C12orf54: variants seen among roughly 807,000 people sequenced by gnomAD.
C12orf54 encodes the protein chromosome 12 open reading frame 54, also known as uncharacterized protein C12orf54.
In C12orf54, 24 loss-of-function variants were observed where a neutral mutation model predicts 26.4. The observed-to-expected ratio is 0.91, with a 90% confidence interval of 0.66 to 1.28. The LOEUF (loss-of-function observed/expected upper bound fraction) is 1.28. Among genes scored for constraint, C12orf54 ranks in the 50% most tolerant of loss-of-function variants. C12orf54 has a pLI of 0.00. For missense variants in C12orf54, 154 were observed against 150.9 expected (o/e 1.02, Z -0.11); for synonymous variants, 54 against 47.0 (o/e 1.15, Z -0.61).
the C12orf54 span, among the ~76,000 whole-genome samples, chr12:48,476,659 A>C: frequency 2.6e-5 from 4 of 152,206 alleles, no homozygotes; most frequent in Non-Finnish European, 5.9e-5. Context: ...AGGCCATTAC[A>C]TAATGCTAAA....
intron 2 of C12orf54, among the ~76,000 whole-genome samples, chr12:48,484,327 G>T (rs1445548278): frequency 6.6e-6 from 1 of 152,232 alleles, no homozygotes; most frequent in Non-Finnish European, 1.5e-5. Context: ...TCTGGAGGAA[G>T]TTGGGAATCT....
chr12:48,491,037 C>T (rs1045848875), intron 6 of C12orf54, among the ~76,000 whole-genome samples: 1 of 152,198 alleles, frequency 6.6e-6, no homozygotes, highest in African/African-American at 2.4e-5. Flanking sequence ...CTGCTTCAAC[C>T]AAGCTGGGAA....
the C12orf54 span, among the ~76,000 whole-genome samples, chr12:48,446,013 G>T: frequency 6.6e-6 from 1 of 152,196 alleles, no homozygotes; most frequent in African/African-American, 2.4e-5. Context: ...ATGGCAGGAA[G>T]TAGTAGAAAC....
At chr12:48,488,252 G>T in intron 4 of C12orf54, 2 of 640,260 alleles carry the variant, frequency 3.1e-6, no homozygotes, top group South Asian at 1.6e-5. Context: ...AGACTGGCAG[G>T]CCTCGGCCTA....
chr12:48,481,637 A>T (rs1460569179), upstream of C12orf54, among the ~76,000 whole-genome samples: 1 of 152,086 alleles, frequency 6.6e-6, no homozygotes, highest in East Asian at 1.9e-4. Flanking sequence ...ATACCCTGGC[A>T]TTTTGTCGCA....
chr12:48,468,808 C>CT, the C12orf54 span, among the ~76,000 whole-genome samples: 1 of 152,072 alleles, frequency 6.6e-6, no homozygotes, highest in Non-Finnish European at 1.5e-5. Flanking sequence ...TGTAACAGTT[C>CT]TTTTTTATTT....
chr12:48,458,127 T>C, the C12orf54 span, among the ~76,000 whole-genome samples: 2 of 152,314 alleles, frequency 1.3e-5, no homozygotes, highest in South Asian at 2.1e-4. Context: ...TCAGCAGAAA[T>C]ATCAGAAATG....
chr12:48,450,229 G>A, the C12orf54 span, among the ~76,000 whole-genome samples: 1 of 152,138 alleles, frequency 6.6e-6, no homozygotes, highest in Non-Finnish European at 1.5e-5. Flanking sequence ...GCCCCTGAAT[G>A]AATTTTGACT....
chr12:48,494,374 A>C (rs58537022), intron 7 of C12orf54, among the ~76,000 whole-genome samples: 9,565 of 152,194 alleles, frequency 0.063, 1,002 homozygotes, highest in African/African-American at 0.22. Context: ...ATGGATTCTT[A>C]TGCTTTAACT....
upstream of C12orf54, among the ~76,000 whole-genome samples, chr12:48,478,771 A>G (rs944693194): frequency 2.0e-5 from 3 of 152,332 alleles, no homozygotes; most frequent in African/African-American, 7.2e-5. Context: ...AAAAATGCTC[A>G]CCATCACTGT....
At chr12:48,468,685 G>T in the C12orf54 span, among the ~76,000 whole-genome samples, 1 of 151,990 alleles carries the variant, frequency 6.6e-6, no homozygotes, top group Admixed American at 6.6e-5. Context: ...TACATGTGCA[G>T]GTTGGTTACA....
chr12:48,424,265 G>T, the C12orf54 span, among the ~76,000 whole-genome samples: 2 of 151,922 alleles, frequency 1.3e-5, no homozygotes, highest in Non-Finnish European at 2.9e-5. Flanking sequence ...GAGATAATAA[G>T]TTTTGCATGT....
the C12orf54 span, chr12:48,443,000 C>T: frequency 6.6e-6 from 1 of 152,220 alleles, no homozygotes; most frequent in East Asian, 1.9e-4. Context: ...GAAGCCTCTT[C>T]TTATGCCTAA....
chr12:48,433,468 G>A, the C12orf54 span, among the ~76,000 whole-genome samples: 2 of 139,970 alleles, frequency 1.4e-5, no homozygotes, highest in East Asian at 2.7e-4. Flanking sequence ...GGGGGGGGGG[G>A]GCAGGATCTT....
At chr12:48,457,286 G>GTT in the C12orf54 span, among the ~76,000 whole-genome samples, 5 of 80,184 alleles carry the variant, frequency 6.2e-5, no homozygotes, top group African/African-American at 1.2e-4. Context: ...TGTTGTTGTT[G>GTT]GTGGTGGTGG....
At chr12:48,417,905 A>G in the C12orf54 span, among the ~76,000 whole-genome samples, 9 of 152,246 alleles carry the variant, frequency 5.9e-5, no homozygotes, top group Admixed American at 5.9e-4. Context: ...TACTACAAAC[A>G]ACATGATCTC....
chr12:48,432,830 T>C, the C12orf54 span, among the ~76,000 whole-genome samples: 42 of 151,414 alleles, frequency 2.8e-4, no homozygotes, highest in African/African-American at 9.7e-4. Context: ...GATCACACCA[T>C]TGCACTGCAG....
At chr12:48,480,980 C>T (rs60006715), upstream of C12orf54, among the ~76,000 whole-genome samples, 29,919 of 152,022 alleles carry the variant, frequency 0.2, 3,269 homozygotes, top group South Asian at 0.3. Context: ...AAACCAAATA[C>T]CACATGTTCT....
the C12orf54 span, among the ~76,000 whole-genome samples, chr12:48,468,007 C>T: frequency 1.5e-4 from 23 of 152,014 alleles, no homozygotes; most frequent in Non-Finnish European, 2.9e-4. Context: ...TATTTATTGG[C>T]TCATTTATTC....
Sources: gnomAD v4.1 joint callset for allele counts (sites outside exome capture counted in the v4.1 genomes callset) on GRCh38, gnomAD v4.1.1 for gene constraint, MANE v1.5 for transcripts, NCBI Gene and HGNC (gene_info 2026-07-23, HGNC 2026-07-21) for gene names.